ITSN1: variants seen among roughly 807,000 people sequenced by gnomAD.
ITSN1 encodes the protein intersectin 1, also known as intersectin-1.
ITSN1 carries 58 observed loss-of-function variants against 239.8 expected under a neutral mutation model. The ratio of observed to expected loss-of-function variants is 0.24; its 90% CI spans 0.20 to 0.30. The LOEUF is 0.30. Ranked by LOEUF, ITSN1 falls within the 10% of genes least tolerant of loss-of-function variation. The probability of loss-of-function intolerance (pLI) is 1.00; values close to 1 mark genes in which losing one functional copy is unlikely to be tolerated. For synonymous variants in ITSN1, 780 were observed against 770.8 expected (o/e 1.01, Z -0.20); for missense variants, 1,558 against 2,103.3 (o/e 0.74, Z 5.07).
At chr21:33,870,310 AG>A (rs1982491860) in intron 33 of ITSN1, among the ~76,000 whole-genome samples, 2 of 152,226 alleles carry the variant, frequency 1.3e-5, no homozygotes, top group Non-Finnish European at 2.9e-5. Context: ...CTTTTAAAAT[AG>A]GTGTTCTATA....
chr21:33,652,525 CTTT>C (rs1202822816), intron 1 of ITSN1, among the ~76,000 whole-genome samples: 1 of 152,010 alleles, frequency 6.6e-6, no homozygotes, highest in African/African-American at 2.4e-5. Context: ...CCTATAGATT[CTTT>C]GTCTTTTTGC....
chr21:33,761,801 T>C, intron 8 of ITSN1, 122 bp from the exon 9 acceptor site: 1 of 688,254 alleles, frequency 1.5e-6, no homozygotes, highest in Admixed American at 2.2e-5. Context: ...GTAGCAAATG[T>C]TATTTAAAGC....
At position 33,797,642 on chromosome 21, in the gene ITSN1, G is replaced by A; in HGVS notation, c.2182+34G>A. On this transcript the variant is annotated intron_variant, in intron 18 of 39. Coordinates refer to ENST00000381318, the MANE Select transcript of ITSN1 (RefSeq NM_003024.3). The surrounding 1 kb of genome is among the most constrained non-coding windows in gnomAD (Gnocchi z 4.9). ...AGCCAAAAATAATTATAGAAAATAAGTCATCTTCTCTCCCAGAGCCTCCTG... is the reference window on the plus strand; with the variant it reads ...AGCCAAAAATAATTATAGAAAATAAATCATCTTCTCTCCCAGAGCCTCCTG... 6.4e-7 allele frequency: 1 copy of A among 1,568,206 alleles called. No homozygotes were observed. The highest frequency in any genetic ancestry group is 2.2e-5 in the East Asian group (1 of 44,552).
chr21:33,703,157 AAG>A (rs1360307975), intron 1 of ITSN1, among the ~76,000 whole-genome samples: 2 of 149,946 alleles, frequency 1.3e-5, no homozygotes, highest in East Asian at 3.9e-4. Flanking sequence ...TATATAAAGA[AAG>A]AATATATATA....
At chr21:33,728,295 C>T (rs1296600274) in intron 4 of ITSN1, among the ~76,000 whole-genome samples, 3 of 151,784 alleles carry the variant, frequency 2.0e-5, no homozygotes, top group Non-Finnish European at 2.9e-5. Context: ...TGCAGTGGTG[C>T]GATCTCAGCT....
At chr21:33,810,795 ATT>A in intron 20 of ITSN1, 178 bp from the exon 21 acceptor site, 3 of 708,974 alleles carry the variant, frequency 4.2e-6, no homozygotes, top group Non-Finnish European at 7.5e-6. Context: ...ATTATAGTGC[ATT>A]TTTTTTTTCA....
chr21:33,727,466 T>G (rs2065895757), intron 4 of ITSN1, among the ~76,000 whole-genome samples: 1 of 152,068 alleles, frequency 6.6e-6, no homozygotes, highest in East Asian at 1.9e-4. Context: ...AAGGCAAGGA[T>G]TAGATCAACT....
chr21:33,870,941 G>C (rs2148517023), intron 33 of ITSN1, among the ~76,000 whole-genome samples: 1 of 152,274 alleles, frequency 6.6e-6, no homozygotes, highest in East Asian at 1.9e-4. Flanking sequence ...GAGTCATGCA[G>C]GCTGTTTACA....
chr21:33,704,902 C>A lies in ITSN1; in HGVS notation c.-32-13895C>A, dbSNP rs192077454. 4.2e-3 allele frequency among the ~76,000 whole-genome samples: 455 copies of A among 108,028 alleles called. 1 individual carries two copies. Among genetic ancestry groups the A allele is most frequent in the African/African-American group, 0.015 (427 of 28,364 alleles). 70.9% of individuals were successfully genotyped at this position (108,028 alleles called of 152,430 possible). ...AGGAGATTGAGACCATCCTGGCTAA[C>A]ATGGAGAAACCCATCTCTACTAAAA... On this transcript the variant is annotated intron_variant, in intron 1 of 39. Coordinates refer to ENST00000381318, the MANE Select transcript of ITSN1 (RefSeq NM_003024.3).
intron 36 of ITSN1, 60 bp from the exon 37 acceptor site, chr21:33,884,971 GTGTTTGAACA>G: frequency 9.2e-7 from 1 of 1,088,822 alleles, no homozygotes; most frequent in Non-Finnish European, 1.4e-6. Context: ...CCTGGCAACA[GTGTTTGAACA>G]GACCTGAAGC....
intron 14 of ITSN1, among the ~76,000 whole-genome samples, chr21:33,777,041 A>G (rs956351964): frequency 6.6e-6 from 1 of 152,172 alleles, no homozygotes; most frequent in Non-Finnish European, 1.5e-5. Context: ...GGCTTAAAAA[A>G]ATAATTTTTA....
chr21:33,829,650 A>G lies in ITSN1; in HGVS notation c.3256A>G (p.Thr1086Ala), dbSNP rs936698706. 7 of 1,612,074 alleles carry G rather than the reference A, an allele frequency of 4.3e-6. No homozygotes were observed. Among genetic ancestry groups the G allele is most frequent in the Non-Finnish European group, 5.1e-6 (6 of 1,179,958 alleles). ...PEIAQVIASYTATGPEQLTLA... is the reference protein window; with the variant it reads ...PEIAQVIASYAATGPEQLTLA... ...AATTGCCCAGGTTATTGCCTCATAC[A>G]CCGCCACCGGCCCCGAGCAGCTCAC... The change falls in exon 27 of 40, where the codon ACC (threonine) becomes GCC (alanine). Residue 1086 changes from threonine to alanine, a missense_variant. Thr to Ala is a moderately conservative substitution (Grantham distance 58). This residue lies in a region of ITSN1 where 576 missense variants were observed against 893.3 expected (regional missense o/e 0.64). Coordinates refer to ENST00000381318, the MANE Select transcript of ITSN1 (RefSeq NM_003024.3).
Position 33,895,640 on chromosome 21 carries a change from T to C in ITSN1, c.*7340T>C, listed in dbSNP as rs9983810. ...GCGTATTTGTGTGTGTGCGTGTGTG[T>C]GCGTGTGTATGTGCGTGTATGCATG... On this transcript the variant is annotated 3_prime_UTR_variant, in exon 40 of 40. Coordinates refer to ENST00000381318, the MANE Select transcript of ITSN1 (RefSeq NM_003024.3). 0.036 allele frequency: 3,600 copies of C among 100,970 alleles called. 101 individuals are homozygous for C. The highest frequency in any genetic ancestry group is 0.11 in the African/African-American group (3,063 of 26,790). The allele number at this position is 100,970 out of a possible 1,614,324, so 6.3% of individuals were successfully genotyped here.
intron 9 of ITSN1, among the ~76,000 whole-genome samples, chr21:33,764,198 TTA>T (rs554651538): frequency 4.0e-5 from 6 of 151,712 alleles, no homozygotes; most frequent in Admixed American, 2.0e-4. Context: ...CATTTATAAC[TTA>T]TCCTATTTGA....
intron 3 of ITSN1, 68 bp downstream of exon 3, chr21:33,721,338 T>C: frequency 2.0e-6 from 2 of 1,022,132 alleles, no homozygotes. Context: ...AACTCTATCA[T>C]GCAAAGACGA....
intron 33 of ITSN1, among the ~76,000 whole-genome samples, chr21:33,875,022 A>G (rs950854777): frequency 6.6e-6 from 1 of 152,222 alleles, no homozygotes; most frequent in African/African-American, 2.4e-5. Flanking sequence ...GTGAGTCTGC[A>G]TGTGTGGCTT....
At chr21:33,808,214 C>T (rs2072618552) in intron 20 of ITSN1, among the ~76,000 whole-genome samples, 1 of 151,380 alleles carries the variant, frequency 6.6e-6, no homozygotes, top group East Asian at 1.9e-4. Flanking sequence ...AAAGACCAGG[C>T]TTTTAGAATA....
intron 1 of ITSN1, among the ~76,000 whole-genome samples, chr21:33,691,511 C>G (rs941802368): frequency 2.0e-5 from 3 of 152,014 alleles, no homozygotes; most frequent in Non-Finnish European, 4.4e-5. Context: ...CCAGCAAGGA[C>G]AAATAGAGAA....
At chr21:33,843,650 C>T (rs1449604249) in intron 29 of ITSN1, among the ~76,000 whole-genome samples, 1 of 152,178 alleles carries the variant, frequency 6.6e-6, no homozygotes, top group Non-Finnish European at 1.5e-5. Flanking sequence ...CCCTGTAGAC[C>T]ACCTGCCTAT....
Sources: allele counts gnomAD v4.1 joint callset (sites outside exome capture counted in the v4.1 genomes callset), GRCh38; gene constraint gnomAD v4.1.1; regional missense constraint gnomAD v4.1.1; non-coding constraint Gnocchi (gnomAD v3.1); transcripts MANE v1.5; gene names NCBI Gene and HGNC (gene_info 2026-07-23, HGNC 2026-07-21).